UBE2E3: variants seen among roughly 807,000 people sequenced by gnomAD.
UBE2E3 encodes the protein ubiquitin-conjugating enzyme E2 E3.
Under a neutral mutation model 23.6 loss-of-function variants are expected in UBE2E3, and 5 were observed. That is an observed-to-expected ratio of 0.21 (90% CI 0.11 to 0.44). The LOEUF is 0.44. Among genes scored for constraint, UBE2E3 ranks in the 20% least tolerant of loss-of-function variants. The pLI is 0.99. For synonymous variants in UBE2E3, 78 were observed against 87.5 expected (o/e 0.89, Z 0.60); for missense variants, 81 against 249.8 (o/e 0.32, Z 4.55).
At chr2:181,036,420 C>T (rs1686283583) in intron 3 of UBE2E3, among the ~76,000 whole-genome samples, 1 of 152,204 alleles carries the variant, frequency 6.6e-6, no homozygotes, top group African/African-American at 2.4e-5. Context: ...TTACAACGTT[C>T]ATGAGGAAAA....
chr2:181,062,734 C>G, intron 5 of UBE2E3, 57 bp from the exon 6 acceptor site: 1 of 1,006,500 alleles, frequency 9.9e-7, no homozygotes, highest in Non-Finnish European at 1.5e-6. Flanking sequence ...AATATTAGAA[C>G]TATACCTTGA....
intron 3 of UBE2E3, among the ~76,000 whole-genome samples, chr2:181,010,824 T>C (rs1313893474): frequency 6.6e-6 from 1 of 152,100 alleles, no homozygotes; most frequent in Non-Finnish European, 1.5e-5. Flanking sequence ...TTTTTTTTTT[T>C]TACATTTTGC....
intron 3 of UBE2E3, among the ~76,000 whole-genome samples, chr2:180,996,733 T>C (rs1006745006): frequency 6.6e-6 from 1 of 152,218 alleles, no homozygotes; most frequent in African/African-American, 2.4e-5. Context: ...ATCATAATGC[T>C]GTAAGAAACC....
chr2:181,056,264 A>G (rs1243655215), intron 3 of UBE2E3, among the ~76,000 whole-genome samples: 1 of 151,774 alleles, frequency 6.6e-6, no homozygotes, highest in Non-Finnish European at 1.5e-5. Flanking sequence ...ACGTACAGGC[A>G]GGAGAAGAGG....
intron 3 of UBE2E3, among the ~76,000 whole-genome samples, chr2:181,028,113 G>T (rs1418144594): frequency 2.0e-5 from 3 of 151,676 alleles, no homozygotes; most frequent in Admixed American, 2.0e-4. Context: ...TTACTAAACG[G>T]CATATATTGT....
intron 5 of UBE2E3, among the ~76,000 whole-genome samples, 161 bp from the exon 6 acceptor site, chr2:181,062,630 T>C (rs997376857): frequency 1.3e-5 from 2 of 151,612 alleles, no homozygotes; most frequent in Non-Finnish European, 3.0e-5. Context: ...TATTAAAATA[T>C]ACATATGATC....
chr2:181,027,196 G>A (rs1199176626), intron 3 of UBE2E3, among the ~76,000 whole-genome samples: 3 of 151,634 alleles, frequency 2.0e-5, no homozygotes, highest in Non-Finnish European at 3.0e-5. Context: ...TGTGAATTTC[G>A]GATTTGTAAC....
At chr2:181,026,661 C>T (rs17605642) in intron 3 of UBE2E3, among the ~76,000 whole-genome samples, 6,795 of 151,730 alleles carry the variant, frequency 0.045, 213 homozygotes, top group Middle Eastern at 0.082. Flanking sequence ...TATTTGACTC[C>T]GGCCCTTTCG....
chr2:181,033,341 A>G (rs1254715961), intron 3 of UBE2E3, among the ~76,000 whole-genome samples: 1 of 152,196 alleles, frequency 6.6e-6, no homozygotes, highest in Non-Finnish European at 1.5e-5. Flanking sequence ...GATATAGACC[A>G]ATGGAACAGA....
At chr2:181,062,360 G>A (rs1240907003) in intron 5 of UBE2E3, among the ~76,000 whole-genome samples, 3 of 151,650 alleles carry the variant, frequency 2.0e-5, no homozygotes, top group Non-Finnish European at 4.4e-5. Flanking sequence ...AGTCATATCA[G>A]GCACAGAATG....
At chr2:181,052,580 G>A (rs998001602) in intron 3 of UBE2E3, among the ~76,000 whole-genome samples, 2 of 151,848 alleles carry the variant, frequency 1.3e-5, no homozygotes, top group African/African-American at 4.8e-5. Context: ...AGTGCTGAAA[G>A]TTAACAGTGC....
chr2:181,022,008 A>C (rs1162021120), intron 3 of UBE2E3, among the ~76,000 whole-genome samples: 1 of 152,180 alleles, frequency 6.6e-6, no homozygotes, highest in African/African-American at 2.4e-5. Flanking sequence ...TCTGCCTTAA[A>C]ACTTTTGTGA....
chr2:181,000,126 GATAC>G (rs1438173066), intron 3 of UBE2E3, among the ~76,000 whole-genome samples: 5 of 152,120 alleles, frequency 3.3e-5, no homozygotes, highest in Admixed American at 2.0e-4. Context: ...AGATGTATTA[GATAC>G]ATACATATTT....
intron 4 of UBE2E3, among the ~76,000 whole-genome samples, chr2:181,059,499 A>G (rs1489689321): frequency 2.0e-5 from 3 of 151,792 alleles, no homozygotes; most frequent in Admixed American, 1.3e-4. Flanking sequence ...CACATAAAAC[A>G]TAAAACAATT....
chr2:181,016,762 T>G (rs1354901703), intron 3 of UBE2E3, among the ~76,000 whole-genome samples: 1 of 152,226 alleles, frequency 6.6e-6, no homozygotes, highest in African/African-American at 2.4e-5. Flanking sequence ...TATATTTTAC[T>G]TAAATATATT....
At chr2:181,037,112 G>C (rs1413830539) in intron 3 of UBE2E3, among the ~76,000 whole-genome samples, 1 of 152,148 alleles carries the variant, frequency 6.6e-6, no homozygotes, top group Non-Finnish European at 1.5e-5. Context: ...ACCTAATTGA[G>C]GTTGTAGTCA....
rs774143782 is a variant in UBE2E3 at position 181,062,927 on chromosome 2, A to G, written c.*39A>G. On this transcript the variant is annotated 3_prime_UTR_variant, in exon 6 of 6. Transcript: ENST00000410062. ...TATGCAGTGTGAAGGAGCAGAAGGC[A>G]TCTTCTCACTGTGCTGCAAATCTTT... is the stretch of plus-strand genomic sequence containing the variant. 86 of 1,274,450 alleles carry G rather than the reference A, an allele frequency of 6.7e-5. No homozygotes were observed. In the Admixed American group the frequency reaches 1.3e-3, roughly 19 times the overall value. The allele number at this position is 1,274,450 out of a possible 1,614,324, so 78.9% of individuals were successfully genotyped here.
intron 3 of UBE2E3, among the ~76,000 whole-genome samples, chr2:181,024,553 G>GT: frequency 6.6e-6 from 1 of 152,136 alleles, no homozygotes; most frequent in Middle Eastern, 3.4e-3. Flanking sequence ...TTTCAAACTT[G>GT]ACTTTTAATA....
chr2:181,027,989 T>A lies in UBE2E3; in HGVS notation c.246-29704T>A, dbSNP rs147098500. ...TAGATGGTATCATTGAATCTCTATA[T>A]GTTGTCTGTCCCTATTCAGTCACTC... On this transcript the variant is annotated intron_variant, in intron 3 of 5. Coordinates refer to ENST00000410062, the MANE Select transcript of UBE2E3 (RefSeq NM_006357.4). Among the ~76,000 whole-genome samples, 355 of 152,160 alleles carry A rather than the reference T, an allele frequency of 2.3e-3. 1 individual carries two copies. Among genetic ancestry groups the A allele is most frequent in the African/African-American group, 8.3e-3 (343 of 41,564 alleles).
Sources: gnomAD v4.1 joint callset for allele counts (sites outside exome capture counted in the v4.1 genomes callset) on GRCh38, gnomAD v4.1.1 for gene constraint, MANE v1.5 for transcripts, NCBI Gene and HGNC (gene_info 2026-07-23, HGNC 2026-07-21) for gene names.